The following DLG2 variants were observed in gnomAD, a reference collection of about 807,000 sequenced individuals.
DLG2 encodes disks large homolog 2.
A neutral mutation model predicts 132.5 loss-of-function variants in DLG2; 45 were observed. The observed-to-expected ratio is 0.34, with a 90% confidence interval of 0.27 to 0.44. DLG2 has a LOEUF of 0.44. Ranked by LOEUF, DLG2 falls within the 20% of genes least tolerant of loss-of-function variation. The pLI is 1.00. For synonymous variants in DLG2, 424 were observed against 419.6 expected (o/e 1.01, Z -0.13); for missense variants, 1,045 against 1,196.9 (o/e 0.87, Z 1.87).
intron 6 of DLG2, among the ~76,000 whole-genome samples, chr11:84,711,330 AAGAGAGAGAG>A (rs760750088): frequency 2.0e-3 from 97 of 48,472 alleles, no homozygotes; most frequent in Middle Eastern, 0.02. Flanking sequence ...CAGAACCAGT[AAGAGAGAGAG>A]AGAGAGAGAG....
At chr11:85,504,464 T>C (rs1310781249) in intron 3 of DLG2, among the ~76,000 whole-genome samples, 2 of 152,222 alleles carry the variant, frequency 1.3e-5, no homozygotes, top group Non-Finnish European at 2.9e-5. Flanking sequence ...ATTTATTAAA[T>C]AGGGAAACCT....
At chr11:85,553,529 T>C (rs1042392501) in intron 3 of DLG2, among the ~76,000 whole-genome samples, 1 of 151,460 alleles carries the variant, frequency 6.6e-6, no homozygotes, top group African/African-American at 2.4e-5. Context: ...CTAAACTACA[T>C]TGAAGAATAA....
intron 6 of DLG2, among the ~76,000 whole-genome samples, chr11:84,833,695 T>C (rs991405409): frequency 6.6e-5 from 10 of 151,516 alleles, no homozygotes; most frequent in Non-Finnish European, 1.3e-4. Flanking sequence ...AGTGGGTTGT[T>C]ATGAAACCAA....
chr11:85,436,630 T>C (rs752166638), intron 3 of DLG2, among the ~76,000 whole-genome samples: 1 of 152,152 alleles, frequency 6.6e-6, no homozygotes, highest in African/African-American at 2.4e-5. Flanking sequence ...CCAGTCAGAA[T>C]GGCAATTATT....
At chr11:85,372,142 G>A (rs1362226963) in intron 3 of DLG2, among the ~76,000 whole-genome samples, 3 of 152,172 alleles carry the variant, frequency 2.0e-5, no homozygotes, top group South Asian at 2.1e-4. Context: ...AAAGGGATGG[G>A]TAATATAAAA....
chr11:85,291,975 T>C (rs2078924195), intron 3 of DLG2, among the ~76,000 whole-genome samples: 1 of 152,170 alleles, frequency 6.6e-6, no homozygotes, highest in Admixed American at 6.5e-5. Context: ...CTTGTTCTCT[T>C]ACCACATACC....
chr11:85,136,407 G>C (rs937446177), intron 5 of DLG2, among the ~76,000 whole-genome samples: 1 of 152,038 alleles, frequency 6.6e-6, no homozygotes, highest in Non-Finnish European at 1.5e-5. Context: ...AGATGATAGA[G>C]GATAATTCAC....
At position 83,605,007 on chromosome 11, in the gene DLG2, CAGAG is replaced by C. The variant is rs71066055; in HGVS notation, c.1940+28200_1940+28203del. On this transcript the variant is annotated intron_variant, in intron 19 of 27. Coordinates refer to ENST00000376104, the MANE Select transcript of DLG2 (RefSeq NM_001142699.3). Reference sequence around the variant, plus strand: ...TTTGAAATGGACCAGTTTTCAAAGACAGAGAGAGAGAGAGAGAGAGAGAGAGAGA... The same window carrying C: ...TTTGAAATGGACCAGTTTTCAAAGACAGAGAGAGAGAGAGAGAGAGAGAGA... 2.1e-3 allele frequency among the ~76,000 whole-genome samples: 272 copies of C among 129,822 alleles called. 2 individuals are homozygous for C. Among genetic ancestry groups the C allele is most frequent in the Middle Eastern group, 8.1e-3 (2 of 248 alleles). 85.2% of individuals were successfully genotyped at this position (129,822 alleles called of 152,430 possible). A position where few individuals can be genotyped will look rare whatever the true frequency, so the allele number is the denominator to read the frequency against.
At chr11:83,674,613 T>A (rs535972627) in intron 18 of DLG2, among the ~76,000 whole-genome samples, 1 of 152,372 alleles carries the variant, frequency 6.6e-6, no homozygotes, top group South Asian at 2.1e-4. Flanking sequence ...ACTGAAGAAC[T>A]GTCTAATCTG....
At chr11:85,140,041 C>G (rs1355321002) in intron 5 of DLG2, among the ~76,000 whole-genome samples, 1 of 151,938 alleles carries the variant, frequency 6.6e-6, no homozygotes, top group Non-Finnish European at 1.5e-5. Flanking sequence ...TATGTGTGTA[C>G]CACAGTTTCT....
intron 9 of DLG2, among the ~76,000 whole-genome samples, chr11:84,148,995 T>G (rs2095194922): frequency 6.6e-6 from 1 of 152,206 alleles, no homozygotes; most frequent in Non-Finnish European, 1.5e-5. Context: ...TTTCATATGT[T>G]TTTCGGCTAC....
intron 3 of DLG2, among the ~76,000 whole-genome samples, chr11:85,323,986 G>A (rs1237180928): frequency 2.0e-5 from 3 of 152,302 alleles, no homozygotes; most frequent in African/African-American, 7.2e-5. Flanking sequence ...ATGGTAGTGG[G>A]CTTCCAGCAA....
chr11:83,729,462 A>G (rs1400902933), intron 18 of DLG2, among the ~76,000 whole-genome samples: 8 of 152,194 alleles, frequency 5.3e-5, no homozygotes, highest in Admixed American at 2.0e-4. Context: ...TCCTCAGGTT[A>G]ATCAAGTCTA....
chr11:85,057,849 A>G (rs2063623316), intron 6 of DLG2, among the ~76,000 whole-genome samples: 1 of 151,606 alleles, frequency 6.6e-6, no homozygotes, highest in African/African-American at 2.4e-5. Context: ...AAGGAAAAAA[A>G]ATATGGTAAT....
At chr11:83,884,387 G>C (rs1258898918) in intron 15 of DLG2, among the ~76,000 whole-genome samples, 1 of 152,146 alleles carries the variant, frequency 6.6e-6, no homozygotes, top group Admixed American at 6.5e-5. Flanking sequence ...AGCGAGGCTA[G>C]GGGGAGGGGC....
At chr11:83,949,475 G>A (rs1477079750) in intron 14 of DLG2, among the ~76,000 whole-genome samples, 2 of 152,100 alleles carry the variant, frequency 1.3e-5, no homozygotes, top group African/African-American at 4.8e-5. Flanking sequence ...TTAAATGCCA[G>A]TTATTTGATT....
chr11:85,517,640 C>T (rs1322786134), intron 3 of DLG2, among the ~76,000 whole-genome samples: 1 of 151,420 alleles, frequency 6.6e-6, no homozygotes, highest in Non-Finnish European at 1.5e-5. Context: ...GACAGGGTCT[C>T]ACTCTGTCAC....
chr11:83,533,077 T>C (rs2095797553), intron 20 of DLG2, among the ~76,000 whole-genome samples: 1 of 152,116 alleles, frequency 6.6e-6, no homozygotes, highest in Admixed American at 6.6e-5. Flanking sequence ...AATAATTAAA[T>C]CAAAATCTAT....
At chr11:84,782,494 G>A (rs762686523) in intron 6 of DLG2, among the ~76,000 whole-genome samples, 12 of 151,330 alleles carry the variant, frequency 7.9e-5, no homozygotes, top group Middle Eastern at 3.4e-3. Flanking sequence ...AAATATTTGC[G>A]TATATCTCTA....
Sources: allele counts gnomAD v4.1 joint callset (sites outside exome capture counted in the v4.1 genomes callset), GRCh38; gene constraint gnomAD v4.1.1; transcripts MANE v1.5; gene names NCBI Gene and HGNC (gene_info 2026-07-23, HGNC 2026-07-21).